Variants in ARL13B observed in about 807,000 individuals in gnomAD.
The protein encoded by ARL13B is ADP-ribosylation factor-like protein 13B.
A neutral mutation model predicts 56.1 loss-of-function variants in ARL13B; 36 were observed. The observed-to-expected ratio is 0.64, with a 90% CI of 0.49 to 0.85. The LOEUF (loss-of-function observed/expected upper bound fraction) is 0.85, where lower values mean the gene tolerates loss of function less well. ARL13B is among the 40% of genes least tolerant of loss of function. The pLI is 0.00. For missense variants in ARL13B, 519 were observed against 507.1 expected (o/e 1.02, Z -0.23); for synonymous variants, 178 against 171.1 (o/e 1.04, Z -0.32).
rs2077132122 is a variant in ARL13B, at chr3:94,055,667, A to G, written c.*2404A>G. On this transcript the variant is annotated 3_prime_UTR_variant, in exon 10 of 10. Coordinates refer to ENST00000394222, the MANE Select transcript of ARL13B (RefSeq NM_001174150.2). ...ACTGACTTCAAATATAAAACTATGC[A>G]TAGAAACAACACTAGAAAGAAATGT... 3 of 451,120 alleles carry G rather than the reference A, an allele frequency of 6.7e-6. No individual in the cohort carries two copies. The highest frequency in any genetic ancestry group is 1.3e-5 in the Non-Finnish European group (3 of 225,184). The allele number at this position is 451,120 out of a possible 1,614,324, so 27.9% of individuals were successfully genotyped here.
chr3:94,054,797 T>C lies in ARL13B; in HGVS notation c.*1534T>C, dbSNP rs2077118214. On this transcript the variant is annotated 3_prime_UTR_variant, in exon 10 of 10. Coordinates refer to ENST00000394222, the MANE Select transcript of ARL13B (RefSeq NM_001174150.2). ...CACTGAGTGAGGTAAAAGCATTTGA[T>C]TTCAGATCTAAAATTCGTAACAACC... 1 of 390,058 alleles carries C rather than the reference T, an allele frequency of 2.6e-6. No homozygotes were observed. The highest frequency in any genetic ancestry group is 2.1e-5 in the African/African-American group (1 of 47,326). The allele number at this position is 390,058 out of a possible 1,614,324, so 24.2% of individuals were successfully genotyped here.
chr3:94,049,573 A>C, intron 8 of ARL13B, 51 bp downstream of exon 8: 1 of 1,226,222 alleles, frequency 8.2e-7, no homozygotes, highest in Non-Finnish European at 1.2e-6. Flanking sequence ...TTTAAACAAC[A>C]GAGAAAAAAA....
chr3:93,980,936 A>G (rs1710184858), intron 1 of ARL13B, among the ~76,000 whole-genome samples: 1 of 152,174 alleles, frequency 6.6e-6, no homozygotes, highest in African/African-American at 2.4e-5. Context: ...TCCACTACTT[A>G]ATAATTACAT....
In ARL13B at chr3:94,012,921, C is replaced by G. The variant is rs1233343748; in HGVS notation, c.380+9013C>G. ...TTCAAGTGTAAATTATATAATATTA[C>G]TATTAGGTCTAGAAAAATCTGAGAT... On this transcript the variant is annotated intron_variant, in intron 3 of 9. Coordinates refer to ENST00000394222, the MANE Select transcript of ARL13B (RefSeq NM_001174150.2). Among the ~76,000 whole-genome samples the G allele has an allele frequency of 7.9e-5, 12 of 152,238 alleles. No individual in the cohort carries two copies. In the East Asian group the frequency reaches 2.3e-3, roughly 29 times the overall value.
intron 5 of ARL13B, among the ~76,000 whole-genome samples, chr3:94,037,063 A>G (rs1054777848): frequency 1.3e-5 from 2 of 152,082 alleles, no homozygotes; most frequent in African/African-American, 4.8e-5. Flanking sequence ...GGTAGTTTTT[A>G]ACATTTGGCA....
In ARL13B at chr3:94,003,891, G is replaced by A; in HGVS notation, c.363G>A (p.Ser121=). The change falls in exon 3 of 10, where the codon TCG becomes TCA. Residue 121 remains serine, a synonymous_variant. Transcript: ENST00000394222. ...MSEMLRHPRI[S]GKPILVLANK... The stretch of plus-strand genomic sequence containing the variant: ...AAATGCTAAGACATCCTAGGATATC[G>A]GGAAAGCCTATATTGGTGTAAGTAA... The A allele has an allele frequency of 1.2e-6, 2 of 1,613,256 alleles. No individual in the cohort carries two copies. Among genetic ancestry groups the A allele is most frequent in the Non-Finnish European group, 1.7e-6 (2 of 1,179,524 alleles).
At chr3:93,982,059 G>A (rs1710248366) in intron 1 of ARL13B, among the ~76,000 whole-genome samples, 1 of 152,014 alleles carries the variant, frequency 6.6e-6, no homozygotes, top group African/African-American at 2.4e-5. Context: ...TTCTGTGAAG[G>A]CATGTATATA....
At chr3:94,006,679 A>G (rs2076141256) in intron 3 of ARL13B, among the ~76,000 whole-genome samples, 1 of 152,220 alleles carries the variant, frequency 6.6e-6, no homozygotes, top group Non-Finnish European at 1.5e-5. Context: ...CCAGTGAAAC[A>G]ATACAAGAAT....
intron 1 of ARL13B, among the ~76,000 whole-genome samples, chr3:93,981,169 C>A (rs184869000): frequency 1.3e-5 from 2 of 152,312 alleles, no homozygotes; most frequent in African/African-American, 4.8e-5. Flanking sequence ...GTACCTGTTA[C>A]TTGATATTCA....
intron 1 of ARL13B, among the ~76,000 whole-genome samples, 188 bp downstream of exon 1, chr3:93,980,670 T>TG (rs1259350345): frequency 1.3e-5 from 2 of 152,164 alleles, no homozygotes; most frequent in Non-Finnish European, 2.9e-5. Flanking sequence ...GACTTTCTGT[T>TG]GCGATTGACA....
At chr3:94,023,078 C>T (rs1342220275) in intron 3 of ARL13B, among the ~76,000 whole-genome samples, 1 of 151,634 alleles carries the variant, frequency 6.6e-6, no homozygotes, top group African/African-American at 2.4e-5. Flanking sequence ...TTTCCAATTC[C>T]TCACCTTTCT....
rs761909057 is a variant in ARL13B, at chr3:94,038,515, C to CTTTT, written c.690-1343_690-1340dup. ...TTTTTTTTTTTGGTCTCTGGCTGCTCTTTTTTTTTTTTTTTTTTTTTTTTT... is the reference window on the plus strand; with the variant it reads ...TTTTTTTTTTTGGTCTCTGGCTGCTCTTTTTTTTTTTTTTTTTTTTTTTTTTTTT... On this transcript the variant is annotated intron_variant, in intron 5 of 9. Transcript: ENST00000394222. Among the ~76,000 whole-genome samples the CTTTT allele has an allele frequency of 8.3e-4, 45 of 54,454 alleles. 1 individual carries two copies. The highest frequency in any genetic ancestry group is 1.5e-3 in the African/African-American group (18 of 11,620). The allele number at this position is 54,454 out of a possible 152,430, so 35.7% of individuals were successfully genotyped here.
At chr3:94,029,340 TTTTTTTTTA>T (rs1313868447) in intron 3 of ARL13B, among the ~76,000 whole-genome samples, 14 of 63,136 alleles carry the variant, frequency 2.2e-4, no homozygotes, top group African/African-American at 9.2e-4. Context: ...ATATATTTAT[TTTTTTTTTA>T]TTTTTTTTTT....
At position 94,003,961 on chromosome 3, in the gene ARL13B, A is replaced by G. The variant is rs1001589578; in HGVS notation, c.380+53A>G. 5.0e-6 allele frequency: 8 copies of G among 1,609,416 alleles called. No homozygotes were observed. The East Asian group carries it at 6.7e-5, about 13-fold the overall frequency. On this transcript the variant is annotated intron_variant, in intron 3 of 9. Transcript: ENST00000394222. Reference sequence around the variant, plus strand: ...GTAGGGACGATGGCATTGGCCACTAAAGAAATTTACCTGTTACAGACTAGT... The same window carrying G: ...GTAGGGACGATGGCATTGGCCACTAGAGAAATTTACCTGTTACAGACTAGT...
intron 3 of ARL13B, among the ~76,000 whole-genome samples, chr3:94,030,811 CTATA>C (rs2076663821): frequency 6.6e-6 from 1 of 151,944 alleles, no homozygotes; most frequent in African/African-American, 2.4e-5. Flanking sequence ...GTTAAAATTC[CTATA>C]TATAGTTGGA....
intron 1 of ARL13B, 51 bp from the exon 2 acceptor site, chr3:93,995,823 T>C: frequency 6.7e-7 from 1 of 1,495,468 alleles, no homozygotes; most frequent in African/African-American, 1.4e-5. Context: ...TTATTTTTCC[T>C]CAATACTAAA....
chr3:93,998,822 T>A (rs981768528), intron 2 of ARL13B, among the ~76,000 whole-genome samples: 3 of 152,110 alleles, frequency 2.0e-5, no homozygotes, highest in African/African-American at 7.2e-5. Flanking sequence ...CTTATTTTGG[T>A]GTCACAATTG....
chr3:94,039,956 C>T lies in ARL13B; in HGVS notation c.766C>T (p.Pro256Ser). ...TGAGTTGGACCCAGAACCAACGAAT[C>T]CTTTCCAGCCAATAGCATCTGTAAT... ...LAELDPEPTN[P>S]FQPIASVIIE... Residue 256 changes from proline (P) to serine (S), a missense_variant, in exon 6 of 10, where the codon CCT becomes TCT. Physicochemically the swap from Pro to Ser is moderately conservative, Grantham distance 74. Coordinates refer to ENST00000394222, the MANE Select transcript of ARL13B (RefSeq NM_001174150.2). The T allele has an allele frequency of 6.2e-7, 1 of 1,613,896 alleles. No individual in the cohort carries two copies. Among genetic ancestry groups the T allele is most frequent in the Non-Finnish European group, 8.5e-7 (1 of 1,179,952 alleles).
intron 1 of ARL13B, among the ~76,000 whole-genome samples, chr3:93,988,431 T>C (rs1710575158): frequency 6.6e-6 from 1 of 152,232 alleles, no homozygotes; most frequent in African/African-American, 2.4e-5. Context: ...CATACTATTC[T>C]CTGGTTTCAC....
Sources: gnomAD v4.1 joint callset for allele counts (sites outside exome capture counted in the v4.1 genomes callset) on GRCh38, gnomAD v4.1.1 for gene constraint, MANE v1.5 for transcripts, NCBI Gene and HGNC (gene_info 2026-07-23, HGNC 2026-07-21) for gene names.